NCEH1: variants seen among roughly 807,000 people sequenced by gnomAD.
The protein encoded by NCEH1 is 2-acetyl MAGE hydrolase.
A neutral mutation model predicts 25.4 loss-of-function variants in NCEH1; 9 were observed. The observed-to-expected ratio is 0.35, with a 90% CI of 0.21 to 0.62. NCEH1 has a LOEUF of 0.62. NCEH1 is among the 20% of genes least tolerant of loss of function. The pLI, the probability that NCEH1 is intolerant of heterozygous loss-of-function variation, is 0.72. For synonymous variants in NCEH1, 200 were observed against 199.8 expected (o/e 1.00, Z -0.01); for missense variants, 412 against 501.1 (o/e 0.82, Z 1.70).
At chr3:172,638,682 T>C (rs1239179510) in intron 3 of NCEH1, among the ~76,000 whole-genome samples, 1 of 152,196 alleles carries the variant, frequency 6.6e-6, no homozygotes, top group Non-Finnish European at 1.5e-5. Flanking sequence ...CATATCACAA[T>C]AAACTGTTTT....
At chr3:172,638,457 T>A (rs1716703114) in intron 3 of NCEH1, among the ~76,000 whole-genome samples, 1 of 149,424 alleles carries the variant, frequency 6.7e-6, no homozygotes, top group South Asian at 2.1e-4. Context: ...ATCTATATAA[T>A]TCCATTTGAG....
intron 2 of NCEH1, 123 bp from the exon 3 acceptor site, chr3:172,645,815 G>T: frequency 1.9e-6 from 1 of 537,076 alleles, no homozygotes; most frequent in Non-Finnish European, 3.3e-6. Context: ...ATAATAAAAA[G>T]CAAATGTGAA....
intron 3 of NCEH1, among the ~76,000 whole-genome samples, chr3:172,638,452 T>C (rs1716703003): frequency 1.3e-5 from 2 of 150,068 alleles, no homozygotes; most frequent in Non-Finnish European, 1.5e-5. Flanking sequence ...ATATAATCTA[T>C]ATAATTCCAT....
intron 1 of NCEH1, among the ~76,000 whole-genome samples, chr3:172,674,733 C>T (rs1442302967): frequency 6.6e-6 from 1 of 152,126 alleles, no homozygotes; most frequent in Non-Finnish European, 1.5e-5. Context: ...CGCTACTATT[C>T]GCAATAGAAC....
intron 1 of NCEH1, among the ~76,000 whole-genome samples, chr3:172,699,672 C>T (rs1713574525): frequency 6.6e-6 from 1 of 151,974 alleles, no homozygotes; most frequent in African/African-American, 2.4e-5. Context: ...TAAGACCCAC[C>T]CTGGCAATAT....
chr3:172,663,853 G>GTC (rs1181790021), intron 1 of NCEH1, among the ~76,000 whole-genome samples: 2 of 152,026 alleles, frequency 1.3e-5, no homozygotes, highest in African/African-American at 4.8e-5. Context: ...GCCTATGTGT[G>GTC]TCTCTGCATG....
At chr3:172,707,808 G>C (rs1043510937) in intron 1 of NCEH1, among the ~76,000 whole-genome samples, 2 of 152,096 alleles carry the variant, frequency 1.3e-5, no homozygotes, top group East Asian at 1.9e-4. Flanking sequence ...GGATGGTCTT[G>C]ATCTCCTGAC....
intron 3 of NCEH1, among the ~76,000 whole-genome samples, chr3:172,638,572 T>A (rs561670456): frequency 2.0e-5 from 3 of 151,734 alleles, no homozygotes; most frequent in African/African-American, 7.3e-5. Flanking sequence ...ATTTTTAATC[T>A]TCAGTATTAC....
chr3:172,635,082 C>T (rs950495436), intron 4 of NCEH1, among the ~76,000 whole-genome samples: 9 of 152,184 alleles, frequency 5.9e-5, no homozygotes, highest in Non-Finnish European at 4.4e-5. Flanking sequence ...CAGCACTCAA[C>T]GGTGGGTCCT....
At chr3:172,647,009 T>C (rs1717146914) in intron 2 of NCEH1, among the ~76,000 whole-genome samples, 1 of 151,966 alleles carries the variant, frequency 6.6e-6, no homozygotes, top group Non-Finnish European at 1.5e-5. Context: ...CATGAACAGC[T>C]ATTGAAAATG....
intron 1 of NCEH1, among the ~76,000 whole-genome samples, chr3:172,672,134 G>A (rs951558537): frequency 1.3e-5 from 2 of 152,102 alleles, no homozygotes; most frequent in Non-Finnish European, 2.9e-5. Flanking sequence ...CCTTTTCTAT[G>A]TTTAGATATA....
intron 1 of NCEH1, among the ~76,000 whole-genome samples, chr3:172,703,571 C>T (rs932114639): frequency 9.6e-5 from 14 of 145,378 alleles, no homozygotes; most frequent in East Asian, 2.0e-4. Context: ...TTTTAAAATG[C>T]TATTTTAAAA....
chr3:172,664,594 C>T (rs1219181763), intron 1 of NCEH1, among the ~76,000 whole-genome samples: 1 of 152,204 alleles, frequency 6.6e-6, no homozygotes, highest in Non-Finnish European at 1.5e-5. Flanking sequence ...CTTTCAGGTA[C>T]ACCAATCAAA....
intron 1 of NCEH1, among the ~76,000 whole-genome samples, chr3:172,665,985 G>A (rs1307217883): frequency 6.6e-6 from 1 of 152,136 alleles, no homozygotes; most frequent in African/African-American, 2.4e-5. Flanking sequence ...CTCCGTGGCT[G>A]CACCCACTGT....
intron 1 of NCEH1, among the ~76,000 whole-genome samples, chr3:172,709,117 G>T (rs923303812): frequency 1.3e-5 from 2 of 152,142 alleles, no homozygotes; most frequent in African/African-American, 4.8e-5. Context: ...ACCACCTGAG[G>T]GTATACTCTG....
intron 1 of NCEH1, among the ~76,000 whole-genome samples, chr3:172,648,458 A>G (rs1717236623): frequency 6.6e-6 from 1 of 152,150 alleles, no homozygotes; most frequent in Admixed American, 6.6e-5. Flanking sequence ...CTAAATAAGT[A>G]TATCACAGTT....
At chr3:172,683,062 T>C (rs1245321135) in intron 1 of NCEH1, among the ~76,000 whole-genome samples, 1 of 152,198 alleles carries the variant, frequency 6.6e-6, no homozygotes, top group African/African-American at 2.4e-5. Context: ...CAATATAAGA[T>C]AGTTGGCCAG....
chr3:172,710,801 T>C (rs761974727), intron 1 of NCEH1, 46 bp downstream of exon 1: 24 of 1,604,612 alleles, frequency 1.5e-5, no homozygotes, highest in Non-Finnish European at 2.0e-5. Flanking sequence ...CCTTCAAATA[T>C]TGCGTAAGAG....
At chr3:172,671,922 A>G (rs2108513041) in intron 1 of NCEH1, among the ~76,000 whole-genome samples, 1 of 152,262 alleles carries the variant, frequency 6.6e-6, no homozygotes, top group African/African-American at 2.4e-5. Flanking sequence ...CAATTACTTA[A>G]TTTTTAAAAC....
Sources: allele counts gnomAD v4.1 joint callset (sites outside exome capture counted in the v4.1 genomes callset), GRCh38; gene constraint gnomAD v4.1.1; transcripts MANE v1.5; gene names NCBI Gene and HGNC (gene_info 2026-07-23, HGNC 2026-07-21).